Variants in DDOST observed in about 807,000 individuals in gnomAD.
The protein encoded by DDOST is dolichyl-diphosphooligosaccharide--protein glycosyltransferase 48 kDa subunit.
In DDOST, 25 loss-of-function variants were observed where a neutral mutation model predicts 47.6. The observed-to-expected ratio is 0.53, with a 90% CI of 0.38 to 0.73. The LOEUF (loss-of-function observed/expected upper bound fraction) is 0.73. DDOST is among the 30% of genes least tolerant of loss of function. The pLI, the probability that DDOST is intolerant of heterozygous loss-of-function variation, is 0.00. For missense variants in DDOST, 526 were observed against 573.9 expected (o/e 0.92, Z 0.85); for synonymous variants, 275 against 236.0 (o/e 1.17, Z -1.51).
In DDOST at chr1:20,653,873, C is replaced by T. The variant is rs1340411089; in HGVS notation, c.795-99G>A. 7 of 1,429,790 alleles carry T rather than the reference C, an allele frequency of 4.9e-6. No homozygotes were observed. The Admixed American group carries it at 7.0e-5, about 14-fold the overall frequency. The allele number at this position is 1,429,790 out of a possible 1,614,324, so 88.6% of individuals were successfully genotyped here. A position where few individuals can be genotyped will look rare whatever the true frequency, so the allele number is the denominator to read the frequency against. Reference sequence around the variant, plus strand: ...CATGTCCACCATGACAGTACCCTAGCGAAGTTCTGCCTGTAGGCCTTGGGC... The same window carrying T: ...CATGTCCACCATGACAGTACCCTAGTGAAGTTCTGCCTGTAGGCCTTGGGC... On this transcript the variant is annotated intron_variant, in intron 7 of 10. Coordinates refer to ENST00000602624, the MANE Select transcript of DDOST (RefSeq NM_005216.5).
Position 20,652,279 on chromosome 1 carries a change from C to T in DDOST, c.*100G>A. On this transcript the variant is annotated 3_prime_UTR_variant, in exon 11 of 11. Transcript: ENST00000602624. ...ATCTCCCACAGAGGTAAAGTTGTGC[C>T]ATTTTCCCACGGCTTTAAACAAAGC... 1 of 1,271,154 alleles carries T rather than the reference C, an allele frequency of 7.9e-7. No individual in the cohort carries two copies. Among genetic ancestry groups the T allele is most frequent in the South Asian group, 1.6e-5 (1 of 61,492 alleles). 78.7% of individuals were successfully genotyped at this position (1,271,154 alleles called of 1,614,324 possible). A position where few individuals can be genotyped will look rare whatever the true frequency, so the allele number is the denominator to read the frequency against.
intron 4 of DDOST, 25 bp downstream of exon 4, chr1:20,655,651 C>A: frequency 6.2e-7 from 1 of 1,606,968 alleles, no homozygotes; most frequent in South Asian, 1.1e-5. Flanking sequence ...GCCCCTGAAA[C>A]CTGGAAGGTG....
At chr1:20,659,052 C>T (rs2053407504) in intron 2 of DDOST, among the ~76,000 whole-genome samples, 1 of 151,740 alleles carries the variant, frequency 6.6e-6, no homozygotes, top group Admixed American at 6.6e-5. Context: ...GAGATGAGGT[C>T]TCACTATGTT....
chr1:20,657,890 T>A (rs2154534346), intron 2 of DDOST, among the ~76,000 whole-genome samples: 1 of 152,274 alleles, frequency 6.6e-6, no homozygotes, highest in Non-Finnish European at 1.5e-5. Context: ...AGTGCAGTGG[T>A]TTGCAATCTT....
intron 2 of DDOST, among the ~76,000 whole-genome samples, chr1:20,657,459 T>C (rs1277276191): frequency 6.6e-6 from 1 of 152,148 alleles, no homozygotes; most frequent in Non-Finnish European, 1.5e-5. Context: ...TGAAGAGTGC[T>C]GAGCCGACCT....
At chr1:20,653,811 G>A in intron 7 of DDOST, 37 bp from the exon 8 acceptor site, 1 of 1,598,964 alleles carries the variant, frequency 6.3e-7, no homozygotes, top group Non-Finnish European at 8.5e-7. Flanking sequence ...GGGCACCAGA[G>A]CCACCTTTCC....
chr1:20,653,135 GTC>G (rs1439066248), intron 8 of DDOST, 164 bp from the exon 9 acceptor site: 2 of 720,072 alleles, frequency 2.8e-6, no homozygotes, highest in Non-Finnish European at 4.6e-6. Flanking sequence ...TCAGTAACCA[GTC>G]TCTCTCCTCA....
rs185026155 is a variant in DDOST, at chr1:20,655,338, G to A, written c.551+102C>T. On this transcript the variant is annotated intron_variant, in intron 5 of 10. Transcript: ENST00000602624. ...GATATAACAAATTAATCCCATCTAC[G>A]TACCCTTAAAGAATTACAATTTTGC... is the stretch of plus-strand genomic sequence containing the variant. The A allele has an allele frequency of 2.3e-5, 19 of 822,610 alleles. No individual in the cohort carries two copies. In the East Asian group the frequency reaches 3.2e-4, roughly 14 times the overall value. The allele number at this position is 822,610 out of a possible 1,614,324, so 51.0% of individuals were successfully genotyped here.
rs762816894 is a variant in DDOST, at chr1:20,661,325, G to A, written c.26C>T (p.Ala9Val). 3 of 1,613,426 alleles carry A rather than the reference G, an allele frequency of 1.9e-6. No individual in the cohort carries two copies. Among genetic ancestry groups the A allele is most frequent in the African/African-American group, 2.7e-5 (2 of 74,926 alleles). ...CAGCAGCAACCAAAAGAGGGCCCAAGCCCGGGCCGCGGTGCTGGGCTCCAT... is the reference window on the plus strand; with the variant it reads ...CAGCAGCAACCAAAAGAGGGCCCAAACCCGGGCCGCGGTGCTGGGCTCCAT... MEPSTAAR[A>V]WALFWLLLPL... The change falls in exon 1 of 11, where the codon GCT (alanine) becomes GTT (valine). Residue 9 changes from alanine (A) to valine (V), a missense_variant. By Grantham distance (64) the Ala-to-Val change is moderately conservative. Transcript: ENST00000602624.
Position 20,660,928 on chromosome 1 carries a change from C to T in DDOST, c.218G>A (p.Gly73Glu). The T allele has an allele frequency of 6.2e-7, 1 of 1,613,736 alleles. No homozygotes were observed. Among genetic ancestry groups the T allele is most frequent in the Non-Finnish European group, 8.5e-7 (1 of 1,179,648 alleles). ...GATGAGATTGTCATAGAGGAATTCC[C>T]CATACTTTATGAGAGACAGGCTGGG... ...DDPSLSLIKY[G>E]EFLYDNLIIF... Residue 73 changes from glycine (G) to glutamate (E), a missense_variant, in exon 2 of 11, where the codon GGG (glycine) becomes GAG (glutamate). By Grantham distance (98) the Gly-to-Glu change is moderately conservative. Coordinates refer to ENST00000602624, the MANE Select transcript of DDOST (RefSeq NM_005216.5).
In DDOST at chr1:20,660,912, G is replaced by A. The variant is rs897338524; in HGVS notation, c.234C>T (p.Asp78=). The A allele has an allele frequency of 2.5e-6, 4 of 1,612,510 alleles. No homozygotes were observed. Among genetic ancestry groups the A allele is most frequent in the Non-Finnish European group, 3.4e-6 (4 of 1,178,604 alleles). The change falls in exon 2 of 11, where the codon GAC becomes GAT. Residue 78 remains aspartate (D), a synonymous_variant. Coordinates refer to ENST00000602624, the MANE Select transcript of DDOST (RefSeq NM_005216.5). Reference sequence around the variant, plus strand: ...CCGAAGGGGAGAAAATGATGAGATTGTCATAGAGGAATTCCCCATACTTTA... The same window carrying A: ...CCGAAGGGGAGAAAATGATGAGATTATCATAGAGGAATTCCCCATACTTTA... ...SLIKYGEFLY[D]NLIIFSPSVE... is the part of the protein sequence containing the mutation.
rs1557572447 is a variant in DDOST, at chr1:20,655,656, A to G, written c.456+20T>C. ...TTTGCCATATGCCCCTGAAACCTGG[A>G]AGGTGACAGGCCTGATTACCTGGCC... On this transcript the variant is annotated intron_variant, in intron 4 of 10. Coordinates refer to ENST00000602624, the MANE Select transcript of DDOST (RefSeq NM_005216.5). The G allele has an allele frequency of 6.2e-7, 1 of 1,605,294 alleles. No homozygotes were observed. The highest frequency in any genetic ancestry group is 8.5e-7 in the Non-Finnish European group (1 of 1,171,890).
chr1:20,655,721 C>CGTTT lies in DDOST; in HGVS notation c.407_410dup (p.Ala138AsnfsTer5). The CGTTT allele has an allele frequency of 1.2e-6, 2 of 1,614,170 alleles. No individual in the cohort carries two copies. Among genetic ancestry groups the CGTTT allele is most frequent in the Non-Finnish European group, 1.7e-6 (2 of 1,180,016 alleles). On this transcript the variant is annotated frameshift_variant, in exon 4 of 11. Coordinates refer to ENST00000602624, the MANE Select transcript of DDOST (RefSeq NM_005216.5). LOFTEE classifies it high-confidence loss of function. Reference sequence around the variant, plus strand: ...CATAGTTGTGATGGTCAATGACAGCCGTTTTCTCCTCGTCAAACTCAATCC... The same window carrying CGTTT: ...CATAGTTGTGATGGTCAATGACAGCCGTTTGTTTTCTCCTCGTCAAACTCAATCC...
chr1:20,655,858 C>A (rs1013740312), intron 3 of DDOST, 79 bp from the exon 4 acceptor site: 1 of 1,204,400 alleles, frequency 8.3e-7, no homozygotes, highest in Non-Finnish European at 1.2e-6. Context: ...CCTTGTGACT[C>A]CCTCTCTGTC....
At chr1:20,652,802 A>G in intron 9 of DDOST, 49 bp downstream of exon 9, 2 of 1,568,794 alleles carry the variant, frequency 1.3e-6, no homozygotes, top group Non-Finnish European at 1.7e-6. Context: ...AGAGCAAGTG[A>G]GGCCTGGGGC....
At chr1:20,657,860 C>T (rs922993834) in intron 2 of DDOST, among the ~76,000 whole-genome samples, 7 of 152,304 alleles carry the variant, frequency 4.6e-5, no homozygotes, top group Non-Finnish European at 8.8e-5. Context: ...TTGGACATTC[C>T]AAAAGCAGCC....
At chr1:20,660,818 G>A in intron 2 of DDOST, 63 bp downstream of exon 2, 1 of 979,512 alleles carries the variant, frequency 1.0e-6, no homozygotes, top group Non-Finnish European at 1.6e-6. Context: ...AGAACCAGAA[G>A]AAAGCAATCC....
chr1:20,657,992 C>CA (rs1553147798), intron 2 of DDOST, among the ~76,000 whole-genome samples: 4 of 152,088 alleles, frequency 2.6e-5, no homozygotes, highest in Admixed American at 1.3e-4. Flanking sequence ...GGCAGAGGCC[C>CA]GGGTGCTGTT....
intron 3 of DDOST, 101 bp downstream of exon 3, chr1:20,656,000 A>C: frequency 9.5e-7 from 1 of 1,052,782 alleles, no homozygotes; most frequent in Non-Finnish European, 1.5e-6. Flanking sequence ...CTCCCCAGCT[A>C]AGGCCCACCC....
Sources: gnomAD v4.1 joint callset for allele counts (sites outside exome capture counted in the v4.1 genomes callset) on GRCh38, gnomAD v4.1.1 for gene constraint, MANE v1.5 for transcripts, NCBI Gene and HGNC (gene_info 2026-07-23, HGNC 2026-07-21) for gene names.